Variants in MAST2 observed in about 807,000 individuals in gnomAD.
MAST2 encodes the protein microtubule-associated serine/threonine-protein kinase 2.
A neutral mutation model predicts 147.4 loss-of-function variants in MAST2; 70 were observed. That is an observed-to-expected ratio of 0.47 (90% CI 0.39 to 0.58). MAST2 has a LOEUF of 0.58. MAST2 is among the 20% of genes least tolerant of loss of function. The pLI is 0.00. For synonymous variants in MAST2, 869 were observed against 896.8 expected (o/e 0.97, Z 0.55); for missense variants, 2,080 against 2,302.3 (o/e 0.90, Z 1.98).
chr1:46,027,597 C>G (rs1424013084), intron 16 of MAST2, 134 bp from the exon 17 acceptor site: 2 of 910,724 alleles, frequency 2.2e-6, no homozygotes, highest in East Asian at 2.6e-5. Flanking sequence ...GCCTGTCCCC[C>G]CAGCTGAAGC....
intron 4 of MAST2, among the ~76,000 whole-genome samples, chr1:45,925,372 G>T (rs1654200545): frequency 6.6e-6 from 1 of 152,210 alleles, no homozygotes; most frequent in Non-Finnish European, 1.5e-5. Context: ...AAATTTCATT[G>T]TGATTTGGGT....
intron 1 of MAST2, among the ~76,000 whole-genome samples, chr1:45,817,099 C>G (rs1006576418): frequency 4.5e-4 from 68 of 152,120 alleles, no homozygotes; most frequent in Non-Finnish European, 1.2e-4. Flanking sequence ...AAAATAGCCT[C>G]CAAAAGGCAA....
chr1:45,825,575 GGTGC>G (rs1644766634), intron 2 of MAST2, among the ~76,000 whole-genome samples: 1 of 151,610 alleles, frequency 6.6e-6, no homozygotes, highest in Non-Finnish European at 1.5e-5. Flanking sequence ...TGGGATCACA[GGTGC>G]GCACCACCAT....
At chr1:45,934,942 G>A (rs1259810331) in intron 4 of MAST2, among the ~76,000 whole-genome samples, 1 of 152,216 alleles carries the variant, frequency 6.6e-6, no homozygotes, top group South Asian at 2.1e-4. Flanking sequence ...GGGTTGAAAG[G>A]TAATTCTACT....
chr1:45,886,013 G>A (rs1016255316), intron 4 of MAST2, among the ~76,000 whole-genome samples: 5 of 151,788 alleles, frequency 3.3e-5, no homozygotes, highest in African/African-American at 7.3e-5. Flanking sequence ...CCTGTAATCC[G>A]AGCACTTTGA....
intron 6 of MAST2, among the ~76,000 whole-genome samples, chr1:45,999,990 T>C (rs6661500): frequency 0.33 from 50,427 of 151,916 alleles, 8,649 homozygotes; most frequent in African/African-American, 0.41. Context: ...ACAAGCACCA[T>C]AGAGGGAAAG....
intron 4 of MAST2, among the ~76,000 whole-genome samples, chr1:45,955,345 A>G (rs1260813590): frequency 2.6e-5 from 4 of 152,186 alleles, no homozygotes; most frequent in Non-Finnish European, 4.4e-5. Context: ...ATTATTTATA[A>G]TATCTAATAC....
At chr1:45,847,422 T>C in intron 3 of MAST2, 1 of 553,668 alleles carries the variant, frequency 1.8e-6, no homozygotes, top group South Asian at 1.5e-5. Context: ...TTGGGGGGGA[T>C]CAAGATGATT....
At chr1:45,901,792 G>C (rs1649810788) in intron 4 of MAST2, among the ~76,000 whole-genome samples, 1 of 151,900 alleles carries the variant, frequency 6.6e-6, no homozygotes, top group African/African-American at 2.4e-5. Flanking sequence ...CTTGAATGTT[G>C]GTATATAGAA....
rs41292254 is a variant in MAST2 at position 46,030,270 on chromosome 1, C to T, written c.2553+32C>T. 2,952 of 1,599,154 alleles carry T rather than the reference C, an allele frequency of 1.8e-3. 2 individuals are homozygous for T. Among genetic ancestry groups the T allele is most frequent in the Non-Finnish European group, 2.1e-3 (2,469 of 1,168,524 alleles). On this transcript the variant is annotated intron_variant, in intron 21 of 28. Coordinates refer to ENST00000361297, the MANE Select transcript of MAST2 (RefSeq NM_015112.3). ...CTGAGGAGGCCCAGAATGGGCAGAA[C>T]AGGCTGGAGGATCAGAAGAAGAGGG... is the stretch of plus-strand genomic sequence containing the variant.
chr1:45,996,911 G>C (rs60968406), intron 5 of MAST2, among the ~76,000 whole-genome samples: 5,205 of 152,204 alleles, frequency 0.034, 296 homozygotes, highest in African/African-American at 0.12. Context: ...AGGTGGACAG[G>C]GGTTAGAGGG....
intron 6 of MAST2, among the ~76,000 whole-genome samples, chr1:45,998,768 C>T (rs1403100353): frequency 6.6e-5 from 10 of 151,384 alleles, no homozygotes. Flanking sequence ...CACTCTGTCA[C>T]CCAGGCTGGA....
At chr1:45,999,754 C>A (rs777235241) in intron 6 of MAST2, among the ~76,000 whole-genome samples, 15 of 152,222 alleles carry the variant, frequency 9.9e-5, no homozygotes, top group Non-Finnish European at 1.9e-4. Flanking sequence ...AACATTCAAT[C>A]TAAAGGGGCC....
At chr1:45,981,297 C>G (rs946410992) in intron 5 of MAST2, among the ~76,000 whole-genome samples, 1 of 152,116 alleles carries the variant, frequency 6.6e-6, no homozygotes, top group Non-Finnish European at 1.5e-5. Context: ...GTCTCAAACT[C>G]CTGACCTCAG....
intron 4 of MAST2, among the ~76,000 whole-genome samples, chr1:45,911,117 AGAGAAGGC>A (rs1651589959): frequency 6.6e-6 from 1 of 152,192 alleles, no homozygotes; most frequent in Non-Finnish European, 1.5e-5. Context: ...TGAATGAATA[AGAGAAGGC>A]AGGTGTTTCT....
At chr1:46,029,712 A>G in intron 19 of MAST2, 119 bp from the exon 20 acceptor site, 1 of 1,405,558 alleles carries the variant, frequency 7.1e-7, no homozygotes, top group Admixed American at 2.0e-5. Flanking sequence ...AGAAAAGGGA[A>G]GATGCTTGAG....
chr1:45,968,810 G>T (rs112394933), intron 5 of MAST2, among the ~76,000 whole-genome samples: 1 of 145,468 alleles, frequency 6.9e-6, no homozygotes, highest in African/African-American at 2.5e-5. Context: ...TTTTCTTCTT[G>T]TATTACTGCT....
intron 3 of MAST2, among the ~76,000 whole-genome samples, chr1:45,834,002 A>G (rs1030424186): frequency 1.3e-5 from 2 of 151,992 alleles, no homozygotes; most frequent in Non-Finnish European, 2.9e-5. Flanking sequence ...GGTATTAAAT[A>G]CCTATTTCTG....
chr1:45,911,899 T>TATG (rs1553230146), intron 4 of MAST2, among the ~76,000 whole-genome samples: 13 of 131,590 alleles, frequency 9.9e-5, no homozygotes, highest in Non-Finnish European at 1.8e-4. Flanking sequence ...TTATTATTAT[T>TATG]ATGTAGCCTG....
Sources: allele counts gnomAD v4.1 joint callset (sites outside exome capture counted in the v4.1 genomes callset), GRCh38; gene constraint gnomAD v4.1.1; transcripts MANE v1.5; gene names NCBI Gene and HGNC (gene_info 2026-07-23, HGNC 2026-07-21).